The following TAS2R20 variants were observed in gnomAD, a reference collection of about 807,000 sequenced individuals.
The protein encoded by TAS2R20 is taste receptor type 2 member 20.
For missense variants in TAS2R20, 364 were observed against 352.2 expected (o/e 1.03, Z -0.27); for synonymous variants, 136 against 127.1 (o/e 1.07, Z -0.47).
Position 10,997,789 on chromosome 12 carries a change from CAGTGCT to C in TAS2R20, c.81_86del (p.Ile27_Leu29delinsMet). ...TCTTGACCCAGGCAATGAAATTTATCAGTGCTATAAAGCCATTGGCAAAATTTCCAA... is the reference window on the plus strand; with the variant it reads ...TCTTGACCCAGGCAATGAAATTTATCATAAAGCCATTGGCAAAATTTCCAA... On this transcript the variant is annotated inframe_deletion, in exon 1 of 1. Coordinates refer to ENST00000538986, the MANE Select transcript of TAS2R20 (RefSeq NM_176889.4). 1.2e-6 allele frequency: 2 copies of C among 1,613,760 alleles called. No homozygotes were observed. The highest frequency in any genetic ancestry group is 1.7e-6 in the Non-Finnish European group (2 of 1,179,862).
At position 10,997,064 on chromosome 12, in the gene TAS2R20, T is replaced by C. The variant is rs2136007762; in HGVS notation, c.812A>G (p.Tyr271Cys). Residue 271 changes from tyrosine to cysteine, a missense_variant, in exon 1 of 1, where the codon TAT becomes TGT. Physicochemically the swap from Tyr to Cys is radical, Grantham distance 194 (BLOSUM62 -2). Transcript: ENST00000538986. Reference protein sequence around the residue: ...LMLCQAFGIIYPSFHSFILIW... With the variant: ...LMLCQAFGIICPSFHSFILIW... ...CAGAATGAATGAGTGGAATGATGGA[T>C]ATATGATTCCAAAAGCTTGGCAAAG... The C allele has an allele frequency of 1.9e-6, 3 of 1,614,064 alleles. No homozygotes were observed. Among genetic ancestry groups the C allele is most frequent in the African/African-American group, 1.3e-5 (1 of 75,032 alleles).
At position 10,997,137 on chromosome 12, in the gene TAS2R20, T is replaced by A. The variant is rs1311319257; in HGVS notation, c.739A>T (p.Ile247Leu). 1 of 1,614,024 alleles carries A rather than the reference T, an allele frequency of 6.2e-7. No individual in the cohort carries two copies. The highest frequency in any genetic ancestry group is 8.5e-7 in the Non-Finnish European group (1 of 1,179,958). ...CGCATCTTAAAATTCCAAAACGATATGATTAGACACAGAAAGTAAATGGCA... is the reference window on the plus strand; with the variant it reads ...CGCATCTTAAAATTCCAAAACGATAAGATTAGACACAGAAAGTAAATGGCA... ...LLAIYFLCLI[I>L]SFWNFKMRPK... The change falls in exon 1 of 1, where the codon ATA becomes TTA. Residue 247 changes from isoleucine (I) to leucine (L), a missense_variant. Coordinates refer to ENST00000538986, the MANE Select transcript of TAS2R20 (RefSeq NM_176889.4).
Position 10,997,646 on chromosome 12 carries a change from T to A in TAS2R20, c.230A>T (p.Asn77Ile). ...YSTVLNPTSS[N>I]LKVIIFISNA... The stretch of plus-strand genomic sequence containing the variant: ...AGAAATAAAAATTATTACTTTTAAA[T>A]TAGATGAAGTTGGATTCAACACAGT... The change falls in exon 1 of 1, where the codon AAT becomes ATT. Residue 77 changes from asparagine (N) to isoleucine (I), a missense_variant. Asn to Ile is a moderately radical substitution (Grantham distance 149). Transcript: ENST00000538986. The A allele has an allele frequency of 6.2e-7, 1 of 1,613,594 alleles. No individual in the cohort carries two copies. The highest frequency in any genetic ancestry group is 8.5e-7 in the Non-Finnish European group (1 of 1,179,822).
rs929742664 is a variant in TAS2R20, at chr12:10,997,154, T to C, written c.722A>G (p.Tyr241Cys). 2.2e-5 allele frequency: 35 copies of C among 1,613,916 alleles called. No individual in the cohort carries two copies. Among genetic ancestry groups the C allele is most frequent in the Admixed American group, 3.3e-5 (2 of 59,972 alleles). Residue 241 changes from tyrosine to cysteine, a missense_variant, in exon 1 of 1, where the codon TAC becomes TGC. Tyr to Cys is a radical substitution (Grantham distance 194). Coordinates refer to ENST00000538986, the MANE Select transcript of TAS2R20 (RefSeq NM_176889.4). ...VTSFLILLAI[Y>C]FLCLIISFWN... ...AAACGATATGATTAGACACAGAAAG[T>C]AAATGGCAAGTAATATGAGGAAGGA...
chr12:10,996,922 A>G lies in TAS2R20; in HGVS notation c.*24T>C. The G allele has an allele frequency of 6.5e-7, 1 of 1,550,356 alleles. No homozygotes were observed. Among genetic ancestry groups the G allele is most frequent in the Non-Finnish European group, 8.7e-7 (1 of 1,147,998 alleles). On this transcript the variant is annotated 3_prime_UTR_variant, in exon 1 of 1. Transcript: ENST00000538986. ...CCATCAATTTGTTTTCTGCTAGAAA[A>G]CACACAATGCACCTCTTGTGAATCT...
Sources: gnomAD v4.1 joint callset for allele counts on GRCh38, gnomAD v4.1.1 for gene constraint, MANE v1.5 for transcripts, NCBI Gene and HGNC (gene_info 2026-07-23, HGNC 2026-07-21) for gene names.